The following PPL variants were observed in gnomAD, a reference collection of about 807,000 sequenced individuals.
PPL encodes the protein 190 kDa paraneoplastic pemphigus antigen.
In PPL, 198 loss-of-function variants were observed where a neutral mutation model predicts 194.4. That is an observed-to-expected ratio of 1.02 (90% CI 0.91 to 1.15). The LOEUF is 1.15. Ranked by LOEUF, PPL falls within the 50% of genes most tolerant of loss-of-function variation. The pLI is 0.00. For synonymous variants in PPL, 1,220 were observed against 972.4 expected (o/e 1.25, Z -4.74); for missense variants, 2,885 against 2,294.8 (o/e 1.26, Z -5.25).
intron 1 of PPL, among the ~76,000 whole-genome samples, chr16:4,913,965 C>T (rs371871181): frequency 3.3e-5 from 5 of 152,196 alleles, no homozygotes; most frequent in African/African-American, 4.8e-5. Context: ...GAAACAGTCA[C>T]GAGACTGAGG....
In PPL at chr16:4,883,975, A is replaced by G. The variant is rs375238112; in HGVS notation, c.4680T>C (p.Phe1560=). 9 of 1,613,944 alleles carry G rather than the reference A, an allele frequency of 5.6e-6. No homozygotes were observed. The highest frequency in any genetic ancestry group is 5.3e-5 in the African/African-American group (4 of 74,914). Residue 1560 remains phenylalanine (F), a synonymous_variant, in exon 22 of 22, where the codon TTT becomes TTC. Coordinates refer to ENST00000345988, the MANE Select transcript of PPL (RefSeq NM_002705.5). The surrounding 1 kb of genome is among the most constrained non-coding windows in gnomAD (Gnocchi z 4.8). ...GTAATTTGTGGTTCTCTTCCCTCAG[A>G]AAGTCTAGTTCCTTGGATGACTTGG... ...HNSKSSKELD[F]LREENHKLQL... is the part of the protein sequence containing the mutation.
intron 1 of PPL, among the ~76,000 whole-genome samples, chr16:4,915,885 G>T (rs1453611388): frequency 6.6e-6 from 1 of 152,290 alleles, no homozygotes; most frequent in Admixed American, 6.5e-5. Flanking sequence ...GCAATTAGAT[G>T]GCAGAGCCAG....
Position 4,893,579 on chromosome 16 carries a change from T to C in PPL, c.1454A>G (p.Gln485Arg), listed in dbSNP as rs760026266. Residue 485 changes from glutamine to arginine, a missense_variant, in exon 13 of 22, where the codon CAG becomes CGG. Coordinates refer to ENST00000345988, the MANE Select transcript of PPL (RefSeq NM_002705.5). ...QKAAGSKRTL[Q>R]QRYEVLKTEN... is the part of the protein sequence containing the mutation. ...GGTCTTCAGCACCTCATACCGCTGC[T>C]GCAGCGTGCGTTTGCTCCCAGCTGC... 5.0e-6 allele frequency: 8 copies of C among 1,612,018 alleles called. No individual in the cohort carries two copies. The South Asian group carries it at 8.8e-5, about 18-fold the overall frequency.
At chr16:4,919,571 C>G (rs1280848780) in intron 1 of PPL, among the ~76,000 whole-genome samples, 1 of 152,090 alleles carries the variant, frequency 6.6e-6, no homozygotes, top group Non-Finnish European at 1.5e-5. Context: ...TGGCCAGCCA[C>G]TCTGTATTTC....
In PPL at chr16:4,920,638, T is replaced by C. The variant is rs540743463; in HGVS notation, c.63-9689A>G. On this transcript the variant is annotated intron_variant, in intron 1 of 21. Transcript: ENST00000345988. ...CCACCATGCCTGGCTAATTTTTGTA[T>C]TTTTAGTAGAGACAGGGTTTCGCCA... Among the ~76,000 whole-genome samples the C allele has an allele frequency of 2.0e-5, 3 of 152,242 alleles. No homozygotes were observed. The East Asian group carries it at 5.8e-4, about 29-fold the overall frequency.
chr16:4,903,382 C>G (rs1568020881), intron 3 of PPL, among the ~76,000 whole-genome samples: 2 of 152,134 alleles, frequency 1.3e-5, no homozygotes, highest in South Asian at 4.1e-4. Context: ...CCTCCATTTC[C>G]CCAACTGCAA....
chr16:4,901,514 C>T (rs1037498301), intron 4 of PPL, among the ~76,000 whole-genome samples: 8 of 152,092 alleles, frequency 5.3e-5, no homozygotes. Context: ...TGTAGCAAAG[C>T]CCCATCTCTA....
chr16:4,918,127 TACTAAAAAC>T (rs1232738721), intron 1 of PPL, among the ~76,000 whole-genome samples: 2 of 151,816 alleles, frequency 1.3e-5, no homozygotes, highest in African/African-American at 2.4e-5. Flanking sequence ...ACCTCGTCTC[TACTAAAAAC>T]ACAAAAATTA....
chr16:4,898,944 G>T, intron 8 of PPL, 69 bp downstream of exon 8: 1 of 1,313,798 alleles, frequency 7.6e-7, no homozygotes, highest in Non-Finnish European at 1.1e-6. Flanking sequence ...CCGAGCTCCA[G>T]GCGGCCCACA....
At chr16:4,916,992 C>T (rs989117726) in intron 1 of PPL, among the ~76,000 whole-genome samples, 8 of 151,966 alleles carry the variant, frequency 5.3e-5, no homozygotes, top group Non-Finnish European at 1.0e-4. Flanking sequence ...ATTAGCTGGG[C>T]GTGGTGGTAT....
intron 3 of PPL, among the ~76,000 whole-genome samples, chr16:4,903,642 C>G (rs933884342): frequency 2.6e-5 from 4 of 151,842 alleles, no homozygotes; most frequent in African/African-American, 9.7e-5. Flanking sequence ...ATAGCTTGAA[C>G]TGGGGAGGCA....
At position 4,884,539 on chromosome 16, in the gene PPL, G is replaced by T; in HGVS notation, c.4116C>A (p.Ala1372=). 1 of 1,613,030 alleles carries T rather than the reference G, an allele frequency of 6.2e-7. No individual in the cohort carries two copies. The highest frequency in any genetic ancestry group is 8.5e-7 in the Non-Finnish European group (1 of 1,179,834). Residue 1372 remains alanine (A), a synonymous_variant, in exon 22 of 22, where the codon GCC becomes GCA. Coordinates refer to ENST00000345988, the MANE Select transcript of PPL (RefSeq NM_002705.5). The surrounding 1 kb of genome is among the most constrained non-coding windows in gnomAD (Gnocchi z 5.7). The stretch of plus-strand genomic sequence containing the variant: ...GCCGCAGCTCCACATCGATGCTCTC[G>T]GCAAAGGCGCTCGCCTCGGCCCGCA... ...PGLRAEASAF[A]ESIDVELRQI...
At chr16:4,886,185 C>T in intron 21 of PPL, 138 bp from the exon 22 acceptor site, 1 of 1,069,554 alleles carries the variant, frequency 9.3e-7, no homozygotes, top group Non-Finnish European at 1.3e-6. Context: ...TTGTAGAGTT[C>T]TAGGGTTACT....
chr16:4,936,788 C>T (rs1266900003), intron 1 of PPL, among the ~76,000 whole-genome samples, 196 bp downstream of exon 1: 1 of 152,182 alleles, frequency 6.6e-6, no homozygotes, highest in East Asian at 1.9e-4. Flanking sequence ...CCAGCCAGTC[C>T]CTTCCCACCT....
At chr16:4,900,353 C>G (rs1274646905) in intron 6 of PPL, among the ~76,000 whole-genome samples, 1 of 151,500 alleles carries the variant, frequency 6.6e-6, no homozygotes, top group East Asian at 1.9e-4. Flanking sequence ...CCAGGGCAGA[C>G]CTTGCAGCCG....
rs2088156018 is a variant in PPL, at chr16:4,883,939, CCT to C, written c.4714_4715del (p.Arg1572AlafsTer37). ...TTCGGGTCTCCAGCTGCAGGTTTTG[CCT>C]CTCCAGCTGTAATTTGTGGTTCTCT... Reference protein sequence around the residue: ...REENHKLQLERQNLQLETRRL... With the variant: ...REENHKLQLEXQNLQLETRRL... On this transcript the variant is annotated frameshift_variant, in exon 22 of 22. Coordinates refer to ENST00000345988, the MANE Select transcript of PPL (RefSeq NM_002705.5). LOFTEE classifies it high-confidence loss of function. The surrounding 1 kb of genome is among the most constrained non-coding windows in gnomAD (Gnocchi z 4.8). The C allele has an allele frequency of 1.2e-6, 2 of 1,614,020 alleles. No homozygotes were observed. The highest frequency in any genetic ancestry group is 1.7e-6 in the Non-Finnish European group (2 of 1,180,004).
intron 16 of PPL, chr16:4,891,605 G>A (rs748590139): frequency 1.1e-5 from 6 of 566,088 alleles, no homozygotes; most frequent in African/African-American, 1.9e-5. Flanking sequence ...TTAAAATGCT[G>A]GCACCCGAAA....
At position 4,902,092 on chromosome 16, in the gene PPL, C is replaced by T. The variant is rs1312076483; in HGVS notation, c.438+314G>A. On this transcript the variant is annotated intron_variant, in intron 4 of 21. Coordinates refer to ENST00000345988, the MANE Select transcript of PPL (RefSeq NM_002705.5). This position sits in a 1 kb window ranked among gnomAD's most constrained non-coding sequence, Gnocchi z 4.0. ...CAGGCCAGAAGCCTGGCCGCTTCCG[C>T]CCCAGCCTGCCCACAAAATGTCACC... 6.6e-6 allele frequency among the ~76,000 whole-genome samples: 1 copy of T among 152,210 alleles called. No homozygotes were observed. Among genetic ancestry groups the T allele is most frequent in the African/African-American group, 2.4e-5 (1 of 41,448 alleles).
intron 14 of PPL, 88 bp downstream of exon 14, chr16:4,893,125 C>G: frequency 7.2e-7 from 1 of 1,397,936 alleles, no homozygotes; most frequent in East Asian, 2.5e-5. Context: ...TATCCCAAGA[C>G]TCCATGGGGA....
Sources: allele counts gnomAD v4.1 joint callset (sites outside exome capture counted in the v4.1 genomes callset), GRCh38; gene constraint gnomAD v4.1.1; non-coding constraint Gnocchi (gnomAD v3.1); transcripts MANE v1.5; gene names NCBI Gene and HGNC (gene_info 2026-07-23, HGNC 2026-07-21).